USP47: variants seen among roughly 807,000 people sequenced by gnomAD.
The protein encoded by USP47 is ubiquitin specific peptidase 47, also known as ubiquitin carboxyl-terminal hydrolase 47.
USP47 carries 35 observed loss-of-function variants against 165.1 expected under a neutral mutation model. That is an observed-to-expected ratio of 0.21 (90% CI 0.16 to 0.28). The LOEUF is 0.28. Ranked by LOEUF, USP47 falls within the 10% of genes least tolerant of loss-of-function variation. USP47 has a pLI of 1.00. For synonymous variants in USP47, 531 were observed against 544.5 expected, an observed-to-expected ratio of 0.98 and a Z score of 0.35; for missense variants, 1,277 against 1,607.4, an observed-to-expected ratio of 0.79 and a Z score of 3.52.
intron 1 of USP47, among the ~76,000 whole-genome samples, chr11:11,857,160 C>T (rs1386467627): frequency 3.3e-5 from 2 of 60,304 alleles, no homozygotes; most frequent in South Asian, 5.1e-4. Flanking sequence ...TTGTATAACT[C>T]ATCTCCAAAA....
chr11:11,907,936 A>G (rs1852683849), intron 8 of USP47, among the ~76,000 whole-genome samples: 1 of 152,118 alleles, frequency 6.6e-6, no homozygotes, highest in Non-Finnish European at 1.5e-5. Context: ...TCTCTACTAA[A>G]AATTAGCTGG....
intron 1 of USP47, among the ~76,000 whole-genome samples, chr11:11,864,467 C>T (rs1323904625): frequency 2.0e-5 from 3 of 152,074 alleles, no homozygotes; most frequent in African/African-American, 7.2e-5. Flanking sequence ...CCATCACCAT[C>T]ATCTATCCAC....
intron 1 of USP47, among the ~76,000 whole-genome samples, chr11:11,850,787 TC>T (rs1262014369): frequency 1.3e-5 from 2 of 152,234 alleles, no homozygotes; most frequent in African/African-American, 2.4e-5. Flanking sequence ...TTTTCACAGT[TC>T]CTGTGAGTGA....
chr11:11,917,863 A>T (rs1853543436), intron 8 of USP47, among the ~76,000 whole-genome samples: 4 of 152,304 alleles, frequency 2.6e-5, no homozygotes, highest in South Asian at 4.1e-4. Context: ...AGTGGGCTTA[A>T]ATTGCCTATT....
chr11:11,848,319 T>A (rs1261313157), intron 1 of USP47, among the ~76,000 whole-genome samples: 1 of 152,238 alleles, frequency 6.6e-6, no homozygotes, highest in African/African-American at 2.4e-5. Context: ...GCATTGCCTG[T>A]TGCTCCTAGG....
intron 8 of USP47, among the ~76,000 whole-genome samples, chr11:11,910,939 A>G (rs1315677489): frequency 6.6e-6 from 1 of 152,360 alleles, no homozygotes; most frequent in South Asian, 2.1e-4. Flanking sequence ...TGTTAGAATT[A>G]TTTGATAAAT....
At chr11:11,905,697 G>C (rs1299247462) in intron 8 of USP47, 149 bp downstream of exon 8, 1 of 747,880 alleles carries the variant, frequency 1.3e-6, no homozygotes, top group African/African-American at 1.8e-5. Context: ...AGATCTAGAA[G>C]ATTTTTGACC....
Position 11,901,784 on chromosome 11 carries a change from C to T in USP47, c.594-931C>T, listed in dbSNP as rs144608218. Among the ~76,000 whole-genome samples, 1,130 of 151,914 alleles carry T rather than the reference C, an allele frequency of 7.4e-3. 17 individuals carry two copies. The highest frequency in any genetic ancestry group is 0.026 in the African/African-American group (1,084 of 41,386). On this transcript the variant is annotated intron_variant, in intron 5 of 27. Transcript: ENST00000527733. ...GACCAGCCTGGCCAACATGGTGAAA[C>T]CCAGTCTCTACTAAAAATAGAAAAA...
At chr11:11,907,695 A>G (rs1173842654) in intron 8 of USP47, among the ~76,000 whole-genome samples, 3 of 152,130 alleles carry the variant, frequency 2.0e-5, no homozygotes, top group African/African-American at 7.2e-5. Flanking sequence ...CCATAAAATC[A>G]CTCATTGAGA....
intron 4 of USP47, among the ~76,000 whole-genome samples, chr11:11,894,732 C>T (rs1272306116): frequency 6.6e-6 from 1 of 152,194 alleles, no homozygotes. Context: ...CTTCCTGTGG[C>T]TCTCTGAGGC....
In USP47 at chr11:11,925,884, A is replaced by G. The variant is rs535333449; in HGVS notation, c.1386+2993A>G. 2.6e-5 allele frequency among the ~76,000 whole-genome samples: 4 copies of G among 152,216 alleles called. 1 individual carries two copies. In the South Asian group the frequency reaches 8.3e-4, roughly 32 times the overall value. On this transcript the variant is annotated intron_variant, in intron 11 of 27. Transcript: ENST00000527733. ...ATGATGGTAGCTGTGGGGTTTTCAT[A>G]TAAGGCTTTCATTATGTTGAGGTAA...
intron 25 of USP47, 71 bp downstream of exon 25, chr11:11,952,942 AT>A (rs1856319290): frequency 9.2e-7 from 1 of 1,088,392 alleles, no homozygotes; most frequent in Non-Finnish European, 1.1e-6. Context: ...AAAATATATA[AT>A]ATATAAACAA....
At chr11:11,890,640 C>T (rs1851452838) in intron 3 of USP47, among the ~76,000 whole-genome samples, 1 of 152,102 alleles carries the variant, frequency 6.6e-6, no homozygotes, top group Non-Finnish European at 1.5e-5. Context: ...TACCATTTGA[C>T]CCAGCAGTCC....
At chr11:11,924,606 G>A (rs1305044368) in intron 11 of USP47, among the ~76,000 whole-genome samples, 1 of 151,996 alleles carries the variant, frequency 6.6e-6, no homozygotes, top group African/African-American at 2.4e-5. Context: ...TTTAGAAAGT[G>A]GTTAATTATT....
chr11:11,900,525 T>A (rs978349952), intron 5 of USP47, among the ~76,000 whole-genome samples: 1 of 152,136 alleles, frequency 6.6e-6, no homozygotes, highest in Non-Finnish European at 1.5e-5. Flanking sequence ...GTCATATACG[T>A]GATGGGTTAA....
chr11:11,842,225 G>A lies in USP47; in HGVS notation c.39+1G>A. The A allele has an allele frequency of 6.4e-7, 1 of 1,553,090 alleles. No individual in the cohort carries two copies. Among genetic ancestry groups the A allele is most frequent in the Non-Finnish European group, 8.7e-7 (1 of 1,147,456 alleles). ...GGAGAACCAACTGGTCCCGAAAGAG[G>A]TGAGGGGCCCCAGAGGAGGTTAGGC... On this transcript the variant is annotated splice_donor_variant, in intron 1 of 27. Coordinates refer to ENST00000527733, the MANE Select transcript of USP47 (RefSeq NM_001282659.2). LOFTEE classifies it high-confidence loss of function.
Position 11,950,022 on chromosome 11 carries a change from T to A in USP47, c.3464+18T>A, listed in dbSNP as rs1457814688. 1 of 1,542,702 alleles carries A rather than the reference T, an allele frequency of 6.5e-7. No individual in the cohort carries two copies. Among genetic ancestry groups the A allele is most frequent in the South Asian group, 1.1e-5 (1 of 87,994 alleles). The stretch of plus-strand genomic sequence containing the variant: ...ATTGACAGGTAAAGTAAAATTAATG[T>A]CATCAGCGATTTGAAGAAAGACTAT... On this transcript the variant is annotated intron_variant, in intron 23 of 27. Coordinates refer to ENST00000527733, the MANE Select transcript of USP47 (RefSeq NM_001282659.2).
At chr11:11,865,050 G>A (rs1256697173) in intron 1 of USP47, among the ~76,000 whole-genome samples, 1 of 151,984 alleles carries the variant, frequency 6.6e-6, no homozygotes, top group Admixed American at 6.6e-5. Flanking sequence ...AGTTAAGATG[G>A]GTTTTCCCCT....
At position 11,956,478 on chromosome 11, in the gene USP47, C is replaced by A. The variant is rs1253977309; in HGVS notation, c.*303C>A. 1 of 226,056 alleles carries A rather than the reference C, an allele frequency of 4.4e-6. No homozygotes were observed. The highest frequency in any genetic ancestry group is 8.7e-6 in the Non-Finnish European group (1 of 115,270). The allele number at this position is 226,056 out of a possible 1,614,324, so 14.0% of individuals were successfully genotyped here. The stretch of plus-strand genomic sequence containing the variant: ...AGGGGACAGGGGAATGAGTAAACTT[C>A]TTTTATTGCGGACAAATGTGCACAT... On this transcript the variant is annotated 3_prime_UTR_variant, in exon 28 of 28. Coordinates refer to ENST00000527733, the MANE Select transcript of USP47 (RefSeq NM_001282659.2).
Sources: allele counts gnomAD v4.1 joint callset (sites outside exome capture counted in the v4.1 genomes callset), GRCh38; gene constraint gnomAD v4.1.1; transcripts MANE v1.5; gene names NCBI Gene and HGNC (gene_info 2026-07-23, HGNC 2026-07-21).